Variants in CNTNAP2 observed in about 807,000 individuals in gnomAD.
CNTNAP2 encodes contactin-associated protein-like 2.
A neutral mutation model predicts 155.2 loss-of-function variants in CNTNAP2; 98 were observed. The ratio of observed to expected loss-of-function variants is 0.63; its 90% CI spans 0.54 to 0.75. CNTNAP2 has a LOEUF of 0.75. CNTNAP2 is among the 30% of genes least tolerant of loss of function. CNTNAP2 has a pLI of 0.00. For missense variants in CNTNAP2, 1,727 were observed against 1,688.1 expected (o/e 1.02, Z -0.40); for synonymous variants, 651 against 631.2 (o/e 1.03, Z -0.47).
At chr7:147,894,678 C>T (rs1041966996) in intron 13 of CNTNAP2, among the ~76,000 whole-genome samples, 13 of 151,822 alleles carry the variant, frequency 8.6e-5, no homozygotes, top group Non-Finnish European at 1.6e-4. Context: ...TTTTAATATC[C>T]TATAGAAACA....
intron 21 of CNTNAP2, among the ~76,000 whole-genome samples, chr7:148,309,063 A>G (rs10155942): frequency 0.035 from 5,270 of 152,250 alleles, 126 homozygotes; most frequent in African/African-American, 0.069. Flanking sequence ...TTATAGTAGA[A>G]TGACTTATAA....
intron 3 of CNTNAP2, among the ~76,000 whole-genome samples, chr7:147,030,231 T>G (rs1349286570): frequency 6.6e-6 from 1 of 152,218 alleles, no homozygotes; most frequent in Non-Finnish European, 1.5e-5. Flanking sequence ...GTATTTCCTA[T>G]GAAATTTGTT....
At chr7:146,244,925 C>G (rs1330669179) in intron 1 of CNTNAP2, among the ~76,000 whole-genome samples, 1 of 150,326 alleles carries the variant, frequency 6.7e-6, no homozygotes, top group Non-Finnish European at 1.5e-5. Flanking sequence ...GGCAAATCCT[C>G]GAGCTTGATG....
chr7:146,430,619 A>G (rs1344400511), intron 1 of CNTNAP2, among the ~76,000 whole-genome samples: 1 of 151,982 alleles, frequency 6.6e-6, no homozygotes, highest in African/African-American at 2.4e-5. Flanking sequence ...CTGCACCTCA[A>G]TTCTTCTAAC....
At chr7:147,365,383 G>GAAAAAAAAAAA (rs10557373) in intron 9 of CNTNAP2, among the ~76,000 whole-genome samples, 49 of 93,632 alleles carry the variant, frequency 5.2e-4, no homozygotes, top group Non-Finnish European at 6.1e-4. Context: ...ATCTCAAAAA[G>GAAAAAAAAAAA]AAAAAAAAAA....
chr7:148,342,855 A>C (rs1360140330), intron 21 of CNTNAP2, among the ~76,000 whole-genome samples: 2 of 152,272 alleles, frequency 1.3e-5, no homozygotes, highest in African/African-American at 2.4e-5. Flanking sequence ...ACACCTCTCC[A>C]AAGTAAATGT....
Position 147,618,038 on chromosome 7 carries a change from C to A in CNTNAP2, c.1898-21068C>A, listed in dbSNP as rs148007706. 4.3e-3 allele frequency among the ~76,000 whole-genome samples: 648 copies of A among 152,158 alleles called. 4 individuals carry two copies. Among genetic ancestry groups the A allele is most frequent in the African/African-American group, 0.015 (615 of 41,506 alleles). On this transcript the variant is annotated intron_variant, in intron 12 of 23. Transcript: ENST00000361727. ...GCTGATTGATTGAATCAGGATAATA[C>A]CATTAAGACTTCTATGCCCAAAGAA... is the stretch of plus-strand genomic sequence containing the variant.
intron 1 of CNTNAP2, among the ~76,000 whole-genome samples, chr7:146,473,441 A>T (rs1467911139): frequency 6.6e-6 from 1 of 151,648 alleles, no homozygotes; most frequent in Non-Finnish European, 1.5e-5. Context: ...CCTTTCTACT[A>T]TAAAAACTTC....
intron 12 of CNTNAP2, among the ~76,000 whole-genome samples, chr7:147,614,511 T>G (rs1801245679): frequency 1.3e-5 from 2 of 151,974 alleles, no homozygotes. Flanking sequence ...TTGTATATTG[T>G]TCTTATATTG....
At chr7:147,435,511 G>A (rs934651711) in intron 10 of CNTNAP2, among the ~76,000 whole-genome samples, 8 of 152,230 alleles carry the variant, frequency 5.3e-5, no homozygotes, top group African/African-American at 1.9e-4. Flanking sequence ...GCAAGAAGCA[G>A]ACAAAAACAT....
At chr7:146,777,800 C>A (rs2129186521) in intron 2 of CNTNAP2, among the ~76,000 whole-genome samples, 1 of 152,100 alleles carries the variant, frequency 6.6e-6, no homozygotes, top group South Asian at 2.1e-4. Flanking sequence ...ATATTTTCTT[C>A]CACTCTAAAA....
chr7:146,624,380 G>T (rs74907530), intron 1 of CNTNAP2, among the ~76,000 whole-genome samples: 3,546 of 152,028 alleles, frequency 0.023, 47 homozygotes, highest in Middle Eastern at 0.041. Flanking sequence ...TTTACATTTA[G>T]AACTATGATC....
intron 13 of CNTNAP2, among the ~76,000 whole-genome samples, chr7:147,754,705 A>T (rs1297794516): frequency 6.6e-6 from 1 of 152,158 alleles, no homozygotes; most frequent in Non-Finnish European, 1.5e-5. Context: ...AAGAAAAAAA[A>T]TTTTAATTCA....
chr7:147,941,850 T>A (rs1286047896), intron 14 of CNTNAP2, among the ~76,000 whole-genome samples: 1 of 152,212 alleles, frequency 6.6e-6, no homozygotes, highest in African/African-American at 2.4e-5. Flanking sequence ...AATACAGTTT[T>A]AGGATTTAAA....
At chr7:147,454,299 C>G (rs2116574544) in intron 10 of CNTNAP2, among the ~76,000 whole-genome samples, 1 of 152,156 alleles carries the variant, frequency 6.6e-6, no homozygotes, top group East Asian at 1.9e-4. Context: ...GTTTATTTTG[C>G]AATAGGACGT....
At chr7:147,739,394 A>G (rs1378624304) in intron 13 of CNTNAP2, among the ~76,000 whole-genome samples, 2 of 152,092 alleles carry the variant, frequency 1.3e-5, no homozygotes, top group African/African-American at 4.8e-5. Flanking sequence ...CAGTTTTCTA[A>G]TACCTTCCCC....
rs114096036 is a variant in CNTNAP2, at chr7:147,861,898, T to A, written c.2099-41667T>A. On this transcript the variant is annotated intron_variant, in intron 13 of 23. Transcript: ENST00000361727. ...GGGCATGGTGGTGTACTCGGGAGGC[T>A]AAGGTGGAAGAATTGTTCGAACCCA... is the stretch of plus-strand genomic sequence containing the variant. 8.4e-3 allele frequency among the ~76,000 whole-genome samples: 1,235 copies of A among 146,562 alleles called. 19 individuals carry two copies. The highest frequency in any genetic ancestry group is 0.03 in the African/African-American group (1,167 of 39,508).
intron 1 of CNTNAP2, among the ~76,000 whole-genome samples, chr7:146,265,151 A>G (rs1207760779): frequency 2.0e-5 from 3 of 152,210 alleles, no homozygotes; most frequent in Non-Finnish European, 4.4e-5. Context: ...TAACGCTCGT[A>G]TTACATATAT....
intron 1 of CNTNAP2, among the ~76,000 whole-genome samples, chr7:146,420,837 A>T (rs1450734511): frequency 6.6e-6 from 1 of 152,076 alleles, no homozygotes; most frequent in Non-Finnish European, 1.5e-5. Context: ...TGATCAAGTG[A>T]TGTTAGTAGC....
Sources: gnomAD v4.1 joint callset for allele counts (sites outside exome capture counted in the v4.1 genomes callset) on GRCh38, gnomAD v4.1.1 for gene constraint, MANE v1.5 for transcripts, NCBI Gene and HGNC (gene_info 2026-07-23, HGNC 2026-07-21) for gene names.